Variants in DMTN observed in about 807,000 individuals in gnomAD.
DMTN encodes dematin actin binding protein.
A neutral mutation model predicts 59.4 loss-of-function variants in DMTN; 27 were observed. The ratio of observed to expected loss-of-function variants is 0.45; its 90% CI spans 0.33 to 0.63. The LOEUF (loss-of-function observed/expected upper bound fraction) is 0.63. Ranked by LOEUF, DMTN falls within the 20% of genes least tolerant of loss-of-function variation. DMTN has a pLI of 0.02. For synonymous variants in DMTN, 221 were observed against 203.7 expected (o/e 1.08, Z -0.72); for missense variants, 451 against 528.9 (o/e 0.85, Z 1.45).
At chr8:22,068,940 G>A in intron 4 of DMTN, 76 bp from the exon 5 acceptor site, 1 of 1,526,134 alleles carries the variant, frequency 6.6e-7, no homozygotes, top group South Asian at 1.1e-5. Flanking sequence ...TGGGGGATGA[G>A]GTGGCCTCTC....
Position 22,072,483 on chromosome 8 carries a change from G to A in DMTN, c.729+33G>A, listed in dbSNP as rs201293651. The A allele has an allele frequency of 1.7e-4, 264 of 1,530,026 alleles. 7 individuals are homozygous for A. In the East Asian group the frequency reaches 5.5e-3, roughly 32 times the overall value. The allele number at this position is 1,530,026 out of a possible 1,614,324, so 94.8% of individuals were successfully genotyped here. A position where few individuals can be genotyped will look rare whatever the true frequency, so the allele number is the denominator to read the frequency against. On this transcript the variant is annotated intron_variant, in intron 9 of 15. Transcript: ENST00000358242. ...CTCACCACCCCCACCCTCCACCCCT[G>A]TGCAGGAGTCTCGCTCTGTTGCCCA...
intron 10 of DMTN, 145 bp from the exon 11 acceptor site, chr8:22,080,034 TG>T: frequency 1.2e-6 from 1 of 816,876 alleles, no homozygotes; most frequent in Non-Finnish European, 2.0e-6. Flanking sequence ...CAGTAGGAGC[TG>T]GGAGCTAGCA....
upstream of DMTN, chr8:22,054,801 A>AGGCCCCCTCCCTCC (rs1225995835): frequency 6.8e-6 from 1 of 146,546 alleles, no homozygotes; most frequent in East Asian, 2.0e-4. Flanking sequence ...ACCCACCCTC[A>AGGCCCCCTCCCTCC]GGCCCCCTCC....
chr8:22,053,035 T>C (rs915367055), upstream of DMTN, among the ~76,000 whole-genome samples: 4 of 151,546 alleles, frequency 2.6e-5, no homozygotes, highest in African/African-American at 9.8e-5. Context: ...TTGCATGATT[T>C]CAGATGATTT....
intron 5 of DMTN, 79 bp from the exon 6 acceptor site, chr8:22,069,340 G>T: frequency 8.1e-7 from 1 of 1,239,396 alleles, no homozygotes; most frequent in East Asian, 2.5e-5. Flanking sequence ...AGGACAGAGA[G>T]GGTGGTGTGA....
rs757005488 is a variant in DMTN, at chr8:22,069,935, G to A, written c.449G>A (p.Arg150Lys). The A allele has an allele frequency of 6.8e-6, 11 of 1,614,056 alleles. No homozygotes were observed. The African/African-American group carries it at 1.5e-4, about 22-fold the overall frequency. Residue 150 changes from arginine to lysine, a missense_variant and splice_region_variant, in exon 7 of 16, where the codon AGA (arginine) becomes AAA (lysine). Coordinates refer to ENST00000358242, the MANE Select transcript of DMTN (RefSeq NM_001387751.1). ...AAGAAGCCTCCCATCTATAAGCAGAGAGGTGAGGGCGCCCCTGGCTCACCA... is the reference window on the plus strand; with the variant it reads ...AAGAAGCCTCCCATCTATAAGCAGAAAGGTGAGGGCGCCCCTGGCTCACCA... ...IYKKPPIYKQ[R>K]ESVGGSPQTK...
chr8:22,066,237 C>T (rs1438103441), intron 1 of DMTN, among the ~76,000 whole-genome samples: 2 of 152,218 alleles, frequency 1.3e-5, no homozygotes, highest in Non-Finnish European at 2.9e-5. Flanking sequence ...ATGGTAGGCA[C>T]TCACAAAGTT....
intron 10 of DMTN, among the ~76,000 whole-genome samples, chr8:22,074,347 C>T (rs142090403): frequency 6.6e-6 from 1 of 152,216 alleles, no homozygotes; most frequent in Admixed American, 6.5e-5. Flanking sequence ...ACTCTCAGCT[C>T]ACTGCAAACT....
intron 3 of DMTN, 99 bp from the exon 4 acceptor site, chr8:22,067,428 G>A: frequency 6.6e-7 from 1 of 1,514,008 alleles, no homozygotes; most frequent in East Asian, 2.3e-5. Context: ...CTGCAATGGC[G>A]GTCCATTTTC....
chr8:22,067,738 G>A (rs58895660), intron 4 of DMTN, 56 bp downstream of exon 4: 207,617 of 1,592,456 alleles, frequency 0.13, 15,179 homozygotes, highest in African/African-American at 0.24. Context: ...AGCCACACTG[G>A]GTGGGGACCG....
At chr8:22,054,944 G>A (rs936943243), upstream of DMTN, 3 of 152,804 alleles carry the variant, frequency 2.0e-5, no homozygotes, top group Non-Finnish European at 4.4e-5. Context: ...ATGCGCCGAG[G>A]GATGGAGGTG....
rs886862823 is a variant in DMTN, at chr8:22,081,544, G to A, written c.*81G>A. 2 of 1,305,728 alleles carry A rather than the reference G, an allele frequency of 1.5e-6. No homozygotes were observed. The highest frequency in any genetic ancestry group is 2.9e-5 in the African/African-American group (2 of 68,824). The allele number at this position is 1,305,728 out of a possible 1,614,324, so 80.9% of individuals were successfully genotyped here. ...CCCGGCGGGTTGGGAGGGGCAGGAGGTGGGGTGGAAATAGGGTGGGCTCCT... is the reference window on the plus strand; with the variant it reads ...CCCGGCGGGTTGGGAGGGGCAGGAGATGGGGTGGAAATAGGGTGGGCTCCT... On this transcript the variant is annotated 3_prime_UTR_variant, in exon 16 of 16. Coordinates refer to ENST00000358242, the MANE Select transcript of DMTN (RefSeq NM_001387751.1).
chr8:22,051,532 T>C (rs1872223), upstream of DMTN, among the ~76,000 whole-genome samples: 149,063 of 152,176 alleles, frequency 0.98, 73,084 homozygotes, highest in Middle Eastern at 1. Flanking sequence ...CGTTTCTCCT[T>C]AAGCCACACC....
At chr8:22,077,591 G>A (rs1054513870) in intron 10 of DMTN, among the ~76,000 whole-genome samples, 3 of 152,192 alleles carry the variant, frequency 2.0e-5, no homozygotes, top group Non-Finnish European at 4.4e-5. Context: ...TTCAGTGTCA[G>A]TGTTCTGCCA....
At chr8:22,049,027 G>T (rs1359371155), upstream of DMTN, 1 of 148,482 alleles carries the variant, frequency 6.7e-6, no homozygotes, top group Admixed American at 6.7e-5. Flanking sequence ...CGCGCGGCGC[G>T]GCCCGTGCTA....
chr8:22,067,252 C>T, intron 3 of DMTN, 93 bp downstream of exon 3: 2 of 1,402,270 alleles, frequency 1.4e-6, no homozygotes, highest in South Asian at 2.5e-5. Flanking sequence ...GCAGAGCCTC[C>T]CCAGTGGTGG....
At position 22,067,658 on chromosome 8, in the gene DMTN, C is replaced by G. The variant is rs758748154; in HGVS notation, c.225C>G (p.His75Gln). 1 of 1,614,088 alleles carries G rather than the reference C, an allele frequency of 6.2e-7. No individual in the cohort carries two copies. The highest frequency in any genetic ancestry group is 1.7e-5 in the Admixed American group (1 of 60,038). Residue 75 changes from histidine (H) to glutamine (Q), a missense_variant, in exon 4 of 16, where the codon CAC (histidine) becomes CAG (glutamine). Coordinates refer to ENST00000358242, the MANE Select transcript of DMTN (RefSeq NM_001387751.1). ...EPHFTYSLLE[H>Q]VELPRSRERS... ...ACTTCACTTATTCCCTCCTGGAACA[C>G]GTGGAGCTGCCTCGCAGCCGCGAGG...
In DMTN at chr8:22,080,829, A is replaced by G. The variant is rs1302766191; in HGVS notation, c.982A>G (p.Met328Val). Residue 328 changes from methionine to valine, a missense_variant, in exon 14 of 16, where the codon ATG becomes GTG. Transcript: ENST00000358242. ...LQNGEGQRGR[M>V]DRGNSLPCVL... ...GAACGGAGAGGGCCAGAGGGGGAGGATGGACCGGGGGAACTCCCTGCCCTG... is the reference window on the plus strand; with the variant it reads ...GAACGGAGAGGGCCAGAGGGGGAGGGTGGACCGGGGGAACTCCCTGCCCTG... 6.2e-7 allele frequency: 1 copy of G among 1,600,354 alleles called. No homozygotes were observed. Among genetic ancestry groups the G allele is most frequent in the Admixed American group, 1.7e-5 (1 of 59,536 alleles).
intron 5 of DMTN, 104 bp downstream of exon 5, chr8:22,069,164 C>A: frequency 7.4e-7 from 1 of 1,344,384 alleles, no homozygotes; most frequent in South Asian, 1.3e-5. Context: ...CCAGGGAGTG[C>A]CCGAATCAGC....
Sources: gnomAD v4.1 joint callset for allele counts (sites outside exome capture counted in the v4.1 genomes callset) on GRCh38, gnomAD v4.1.1 for gene constraint, MANE v1.5 for transcripts, NCBI Gene and HGNC (gene_info 2026-07-23, HGNC 2026-07-21) for gene names.